The following TARBP1 variants were observed in gnomAD, a reference collection of about 807,000 sequenced individuals.
TARBP1 encodes tRNA guanosine 2 -O-methyltransferase TARBP1, also known as tRNA (guanosine(18)-2'-O)-methyltransferase TARBP1.
Under a neutral mutation model 178.6 loss-of-function variants are expected in TARBP1, and 144 were observed. The observed-to-expected ratio is 0.81, with a 90% CI of 0.70 to 0.93. The LOEUF (loss-of-function observed/expected upper bound fraction) is 0.93, where lower values mean the gene tolerates loss of function less well. TARBP1 is among the 40% of genes least tolerant of loss of function. The pLI is 0.00. For missense variants in TARBP1, 2,067 were observed against 2,011.7 expected, an observed-to-expected ratio of 1.03 and a Z score of -0.53; for synonymous variants, 787 against 781.0, an observed-to-expected ratio of 1.01 and a Z score of -0.13.
At chr1:234,462,684 T>C (rs1269178374) in intron 6 of TARBP1, among the ~76,000 whole-genome samples, 5 of 54,878 alleles carry the variant, frequency 9.1e-5, no homozygotes, top group African/African-American at 3.4e-4. Flanking sequence ...CAAGACTTCA[T>C]CTCAAAAAAA....
chr1:234,474,680 T>G (rs1028228536), intron 1 of TARBP1, among the ~76,000 whole-genome samples: 2 of 152,142 alleles, frequency 1.3e-5, no homozygotes, highest in Non-Finnish European at 2.9e-5. Context: ...GATAGATACC[T>G]TTAAAATTTT....
At position 234,478,731 on chromosome 1, in the gene TARBP1, G is replaced by C. The variant is rs1366162072; in HGVS notation, c.373C>G (p.Leu125Val). ...QLAAALAEEA[L>V]RDLLAGWRAP... ...CGCCACCCGGCGAGCAGATCGCGCAGCGCCTCCTCAGCCAGCGCGGCCGCC... is the reference window on the plus strand; with the variant it reads ...CGCCACCCGGCGAGCAGATCGCGCACCGCCTCCTCAGCCAGCGCGGCCGCC... Residue 125 changes from leucine (L) to valine (V), a missense_variant, in exon 1 of 30, where the codon CTG becomes GTG. By Grantham distance (32) the Leu-to-Val change is conservative. Coordinates refer to ENST00000040877, the MANE Select transcript of TARBP1 (RefSeq NM_005646.4). 2.5e-6 allele frequency: 3 copies of C among 1,188,700 alleles called. No homozygotes were observed. The highest frequency in any genetic ancestry group is 2.1e-6 in the Non-Finnish European group (2 of 961,216). 73.6% of individuals were successfully genotyped at this position (1,188,700 alleles called of 1,614,324 possible).
chr1:234,479,136 C>G lies in TARBP1; in HGVS notation c.-33G>C. On this transcript the variant is annotated 5_prime_UTR_variant, in exon 1 of 30. Transcript: ENST00000040877. ...GCGCCCGCGCCACCGGCCCGGGCTC[C>G]CAAAGGAAGGCGCCGGCGTGTGCGA... The G allele has an allele frequency of 6.7e-7, 1 of 1,498,756 alleles. No individual in the cohort carries two copies. Among genetic ancestry groups the G allele is most frequent in the Non-Finnish European group, 8.8e-7 (1 of 1,137,918 alleles). The allele number at this position is 1,498,756 out of a possible 1,614,324, so 92.8% of individuals were successfully genotyped here.
chr1:234,436,884 A>C (rs1007122735), intron 13 of TARBP1, among the ~76,000 whole-genome samples: 3 of 152,224 alleles, frequency 2.0e-5, no homozygotes, highest in African/African-American at 7.2e-5. Context: ...TGCATTTAAG[A>C]ATCACTGATG....
intron 9 of TARBP1, among the ~76,000 whole-genome samples, chr1:234,451,134 A>C (rs1666713443): frequency 6.6e-6 from 1 of 152,204 alleles, no homozygotes; most frequent in African/African-American, 2.4e-5. Context: ...TTTAAAAGAG[A>C]AACACTGTCC....
At chr1:234,471,352 T>C in intron 2 of TARBP1, 95 bp from the exon 3 acceptor site, 1 of 797,484 alleles carries the variant, frequency 1.3e-6, no homozygotes, top group East Asian at 2.6e-5. Flanking sequence ...AGCTCTTCTG[T>C]TTCTACAAAA....
intron 28 of TARBP1, among the ~76,000 whole-genome samples, chr1:234,392,877 A>G (rs554539963): frequency 2.9e-4 from 44 of 151,372 alleles, no homozygotes; most frequent in African/African-American, 1.0e-3. Context: ...CGCCCGGCTA[A>G]TTTTTTTTTA....
chr1:234,470,454 C>T (rs186294744), intron 3 of TARBP1, among the ~76,000 whole-genome samples: 1 of 152,232 alleles, frequency 6.6e-6, no homozygotes, highest in African/African-American at 2.4e-5. Context: ...ATAGGATACA[C>T]TAAGCAAGGC....
At position 234,478,567 on chromosome 1, in the gene TARBP1, A is replaced by ATCCCCG. The variant is rs1372739802; in HGVS notation, c.531_536dup (p.Gly178_Asp179dup). 79 of 1,295,744 alleles carry ATCCCCG rather than the reference A, an allele frequency of 6.1e-5. No individual in the cohort carries two copies. Among genetic ancestry groups the ATCCCCG allele is most frequent in the East Asian group, 4.8e-4 (14 of 29,440 alleles). The allele number at this position is 1,295,744 out of a possible 1,614,324, so 80.3% of individuals were successfully genotyped here. ...CCGCGTCCTCGGCAGGCCCGGCCTC[A>ATCCCCG]TCCCCGTCCCCGCCCCCGCCCAGCG... On this transcript the variant is annotated inframe_insertion, in exon 1 of 30. Transcript: ENST00000040877.
At chr1:234,403,208 G>A (rs1305702007) in intron 24 of TARBP1, among the ~76,000 whole-genome samples, 1 of 152,136 alleles carries the variant, frequency 6.6e-6, no homozygotes, top group Non-Finnish European at 1.5e-5. Flanking sequence ...GGACTGCTCT[G>A]TTGCTTCCCT....
At chr1:234,463,790 A>AACTT in intron 6 of TARBP1, 47 bp downstream of exon 6, 1 of 1,153,432 alleles carries the variant, frequency 8.7e-7, no homozygotes, top group Non-Finnish European at 1.2e-6. Context: ...AAAAAAAAGA[A>AACTT]ACTGTAAGCT....
chr1:234,455,747 T>C (rs1466885148), intron 9 of TARBP1, among the ~76,000 whole-genome samples: 1 of 152,012 alleles, frequency 6.6e-6, no homozygotes, highest in Non-Finnish European at 1.5e-5. Flanking sequence ...CAAGCAAAGC[T>C]AAATTTTTTA....
In TARBP1 at chr1:234,478,557, G is replaced by A; in HGVS notation, c.547C>T (p.Pro183Ser). 1 of 1,312,796 alleles carries A rather than the reference G, an allele frequency of 7.6e-7. No individual in the cohort carries two copies. The highest frequency in any genetic ancestry group is 9.7e-7 in the Non-Finnish European group (1 of 1,031,754). The allele number at this position is 1,312,796 out of a possible 1,614,324, so 81.3% of individuals were successfully genotyped here. ...ACCAGCGCCGCCGCGTCCTCGGCAG[G>A]CCCGGCCTCATCCCCGTCCCCGCCC... ...GGGGDGDEAG[P>S]AEDAAALVAG... Residue 183 changes from proline (P) to serine (S), a missense_variant, in exon 1 of 30, where the codon CCT becomes TCT. Coordinates refer to ENST00000040877, the MANE Select transcript of TARBP1 (RefSeq NM_005646.4).
intron 25 of TARBP1, among the ~76,000 whole-genome samples, chr1:234,399,928 C>G (rs989651990): frequency 1.3e-5 from 2 of 151,204 alleles, no homozygotes; most frequent in Non-Finnish European, 2.9e-5. Flanking sequence ...GGAGATATAC[C>G]TAATGCTAGA....
At chr1:234,437,114 T>C (rs930088360) in intron 13 of TARBP1, among the ~76,000 whole-genome samples, 161 bp downstream of exon 13, 3 of 152,228 alleles carry the variant, frequency 2.0e-5, no homozygotes, top group Non-Finnish European at 2.9e-5. Flanking sequence ...GAATTGGAAC[T>C]AGGAGACCCC....
chr1:234,424,833 G>A (rs1196930018), intron 20 of TARBP1, among the ~76,000 whole-genome samples: 3 of 152,066 alleles, frequency 2.0e-5, no homozygotes, highest in African/African-American at 7.2e-5. Context: ...AGGCCAAGGA[G>A]GGTGGATTAC....
At chr1:234,415,173 AT>A (rs1278153423) in intron 22 of TARBP1, among the ~76,000 whole-genome samples, 2 of 152,138 alleles carry the variant, frequency 1.3e-5, no homozygotes, top group African/African-American at 4.8e-5. Flanking sequence ...CAATGGGACC[AT>A]TTGGCTAAGG....
chr1:234,444,303 C>T (rs893053954), intron 12 of TARBP1, among the ~76,000 whole-genome samples: 5 of 152,094 alleles, frequency 3.3e-5, no homozygotes, highest in Non-Finnish European at 7.4e-5. Context: ...TCATATAACC[C>T]AGTGTAATGA....
intron 13 of TARBP1, among the ~76,000 whole-genome samples, chr1:234,435,362 G>GT (rs1664899655): frequency 1.3e-5 from 2 of 149,836 alleles, no homozygotes; most frequent in Admixed American, 1.3e-4. Flanking sequence ...GCGCACGCCT[G>GT]TAATACCAGC....
Sources: allele counts gnomAD v4.1 joint callset (sites outside exome capture counted in the v4.1 genomes callset), GRCh38; gene constraint gnomAD v4.1.1; transcripts MANE v1.5; gene names NCBI Gene and HGNC (gene_info 2026-07-23, HGNC 2026-07-21).